Variants in CNKSR3 observed in about 807,000 individuals in gnomAD.
CNKSR3 encodes CNKSR family member 3.
In CNKSR3, 36 loss-of-function variants were observed where a neutral mutation model predicts 67.7. That is an observed-to-expected ratio of 0.53 (90% CI 0.41 to 0.70). The LOEUF is 0.70. CNKSR3 is among the 30% of genes least tolerant of loss of function. CNKSR3 has a pLI of 0.00. For synonymous variants in CNKSR3, 281 were observed against 271.4 expected (o/e 1.04, Z -0.35); for missense variants, 630 against 695.2 (o/e 0.91, Z 1.05).
At chr6:154,445,528 A>T (rs968629833) in intron 2 of CNKSR3, among the ~76,000 whole-genome samples, 4 of 152,228 alleles carry the variant, frequency 2.6e-5, no homozygotes, top group African/African-American at 9.6e-5. Context: ...AGAGTTTTGA[A>T]CTAAAAGCAG....
At chr6:154,433,371 C>T in intron 5 of CNKSR3, 95 bp downstream of exon 5, 1 of 824,630 alleles carries the variant, frequency 1.2e-6, no homozygotes, top group Non-Finnish European at 2.0e-6. Flanking sequence ...TTCAAAGTAT[C>T]TCCTGAAGTA....
chr6:154,415,777 A>C (rs1785012374), intron 9 of CNKSR3, among the ~76,000 whole-genome samples: 1 of 152,212 alleles, frequency 6.6e-6, no homozygotes, highest in Non-Finnish European at 1.5e-5. Flanking sequence ...TCAAATCCAC[A>C]TGGCTGAGTT....
At chr6:154,502,758 A>G (rs995371003) in intron 1 of CNKSR3, among the ~76,000 whole-genome samples, 1 of 152,222 alleles carries the variant, frequency 6.6e-6, no homozygotes, top group African/African-American at 2.4e-5. Flanking sequence ...TCATGAAAAT[A>G]ACATCTGATT....
rs1784794088 is a variant in CNKSR3, at chr6:154,406,545, G to C, written c.1477C>G (p.Leu493Val). Residue 493 changes from leucine (L) to valine (V), a missense_variant, in exon 13 of 13, where the codon CTG (leucine) becomes GTG (valine). By Grantham distance (32) the Leu-to-Val change is conservative. Coordinates refer to ENST00000607772, the MANE Select transcript of CNKSR3 (RefSeq NM_173515.4). ...CGGATGTAGTCCGCACCCCGGACCA[G>C]ATGCCGCTCGGTCGTGGGTCTGGAG... ...RFSRPTTERH[L>V]VRGADYIRGS... is the part of the protein sequence containing the mutation. 1 of 1,614,238 alleles carries C rather than the reference G, an allele frequency of 6.2e-7. No individual in the cohort carries two copies. Among genetic ancestry groups the C allele is most frequent in the East Asian group, 2.2e-5 (1 of 44,884 alleles).
At chr6:154,421,216 G>GT (rs1345296871) in intron 9 of CNKSR3, among the ~76,000 whole-genome samples, 3 of 152,160 alleles carry the variant, frequency 2.0e-5, no homozygotes, top group African/African-American at 7.2e-5. Context: ...GTTTTGCCAC[G>GT]TTGGCCAGGC....
At chr6:154,406,974 T>C (rs1784807566) in intron 12 of CNKSR3, among the ~76,000 whole-genome samples, 1 of 121,322 alleles carries the variant, frequency 8.2e-6, no homozygotes, top group South Asian at 2.6e-4. Context: ...AAAAAAAAAA[T>C]CACAATCCCC....
rs1470960975 is a variant in CNKSR3 at position 154,403,632 on chromosome 6, T to C, written c.*2722A>G. On this transcript the variant is annotated 3_prime_UTR_variant, in exon 13 of 13. Transcript: ENST00000607772. ...TTTTTTTTTAGCAGCAATATATTTT[T>C]CAAACACAATTCAGGAGAAAACCTC... The C allele has an allele frequency of 1.3e-5, 2 of 151,802 alleles. No individual in the cohort carries two copies. The highest frequency in any genetic ancestry group is 1.3e-4 in the Admixed American group (2 of 15,228). 9.4% of individuals were successfully genotyped at this position (151,802 alleles called of 1,614,324 possible).
intron 1 of CNKSR3, among the ~76,000 whole-genome samples, chr6:154,458,233 C>A (rs1785999927): frequency 1.3e-5 from 2 of 152,152 alleles, no homozygotes; most frequent in African/African-American, 2.4e-5. Flanking sequence ...ATGACCTCTG[C>A]CGACCAGAAA....
intron 2 of CNKSR3, among the ~76,000 whole-genome samples, chr6:154,442,651 C>T (rs1785624271): frequency 6.6e-6 from 1 of 151,792 alleles, no homozygotes; most frequent in African/African-American, 2.4e-5. Flanking sequence ...AAACAAACAC[C>T]AATATTCAAA....
At chr6:154,492,329 G>T (rs1358765515) in intron 1 of CNKSR3, among the ~76,000 whole-genome samples, 2 of 147,958 alleles carry the variant, frequency 1.4e-5, no homozygotes, top group Non-Finnish European at 3.0e-5. Context: ...TCACTCACTT[G>T]GTGAGGTCAT....
At chr6:154,508,872 A>T (rs1787154782) in intron 1 of CNKSR3, among the ~76,000 whole-genome samples, 1 of 152,230 alleles carries the variant, frequency 6.6e-6, no homozygotes, top group Non-Finnish European at 1.5e-5. Context: ...TGTAAGTCAC[A>T]GGCGTGAGAA....
At chr6:154,497,656 T>A (rs1456103332) in intron 1 of CNKSR3, among the ~76,000 whole-genome samples, 1 of 152,250 alleles carries the variant, frequency 6.6e-6, no homozygotes, top group East Asian at 1.9e-4. Flanking sequence ...ATGTATGGTA[T>A]GTTTATCTGT....
chr6:154,462,745 C>T (rs1786107138), intron 1 of CNKSR3, among the ~76,000 whole-genome samples: 1 of 152,196 alleles, frequency 6.6e-6, no homozygotes, highest in Admixed American at 6.5e-5. Context: ...CTTCAGCTGG[C>T]CACGGTATAT....
chr6:154,440,155 T>C (rs1785551564), intron 4 of CNKSR3, among the ~76,000 whole-genome samples: 1 of 152,216 alleles, frequency 6.6e-6, no homozygotes, highest in Non-Finnish European at 1.5e-5. Context: ...CAAAACTCCA[T>C]GTGCCTTGAG....
chr6:154,406,408 T>C lies in CNKSR3; in HGVS notation c.1614A>G (p.Thr538=). The change falls in exon 13 of 13, where the codon ACA becomes ACG. Residue 538 remains threonine, a synonymous_variant. Coordinates refer to ENST00000607772, the MANE Select transcript of CNKSR3 (RefSeq NM_173515.4). The part of the protein sequence containing the change: ...SGSSATKSSS[T]EPSLLVSWFT... ...ACCAGCTGACCAGGAGGGACGGTTC[T>C]GTGGACGAGGACTTCGTAGCTGAGG... is the stretch of plus-strand genomic sequence containing the variant. The C allele has an allele frequency of 6.2e-7, 1 of 1,614,208 alleles. No homozygotes were observed.
Position 154,479,115 on chromosome 6 carries a change from C to G in CNKSR3, c.53-28857G>C, listed in dbSNP as rs568675037. On this transcript the variant is annotated intron_variant, in intron 1 of 12. Transcript: ENST00000607772. ...CTTTAAAAACACAGCCTATACCCCC[C>G]CATCCTTAGAACACCCAAACAGAAA... is the stretch of plus-strand genomic sequence containing the variant. 6.6e-5 allele frequency among the ~76,000 whole-genome samples: 10 copies of G among 152,174 alleles called. No individual in the cohort carries two copies. The South Asian group carries it at 2.1e-3, about 32-fold the overall frequency.
chr6:154,506,844 A>G (rs935533234), intron 1 of CNKSR3, among the ~76,000 whole-genome samples: 5 of 152,254 alleles, frequency 3.3e-5, no homozygotes, highest in African/African-American at 4.8e-5. Flanking sequence ...AAGATAGAGA[A>G]TAACACAGAC....
intron 1 of CNKSR3, among the ~76,000 whole-genome samples, chr6:154,468,393 TACACACACAC>T (rs55806681): frequency 1.6e-3 from 223 of 137,316 alleles, no homozygotes; most frequent in Middle Eastern, 7.7e-3. Context: ...ATATATTTTA[TACACACACAC>T]ACACACACAC....
Position 154,420,828 on chromosome 6 carries a change from G to C in CNKSR3, c.945+1678C>G, listed in dbSNP as rs186792338. On this transcript the variant is annotated intron_variant, in intron 9 of 12. Coordinates refer to ENST00000607772, the MANE Select transcript of CNKSR3 (RefSeq NM_173515.4). Reference sequence around the variant, plus strand: ...AGGTAATAAACGTATTAATGAGCTTGATTTAGCCATTCCAAAATGTAAACA... The same window carrying C: ...AGGTAATAAACGTATTAATGAGCTTCATTTAGCCATTCCAAAATGTAAACA... Among the ~76,000 whole-genome samples, 247 of 152,070 alleles carry C rather than the reference G, an allele frequency of 1.6e-3. 2 individuals carry two copies. The highest frequency in any genetic ancestry group is 5.7e-3 in the African/African-American group (236 of 41,490).
Sources: gnomAD v4.1 joint callset for allele counts (sites outside exome capture counted in the v4.1 genomes callset) on GRCh38, gnomAD v4.1.1 for gene constraint, MANE v1.5 for transcripts, NCBI Gene and HGNC (gene_info 2026-07-23, HGNC 2026-07-21) for gene names.